The following LPP variants were observed in gnomAD, a reference collection of about 807,000 sequenced individuals.
LPP encodes the protein LIM domain containing preferred translocation partner in lipoma.
LPP carries 38 observed loss-of-function variants against 60.4 expected under a neutral mutation model. The observed-to-expected ratio is 0.63, with a 90% confidence interval of 0.49 to 0.83. LPP has a LOEUF of 0.83. Ranked by LOEUF, LPP falls within the 40% of genes least tolerant of loss-of-function variation. The pLI, the probability that LPP is intolerant of heterozygous loss-of-function variation, is 0.00. For synonymous variants in LPP, 328 were observed against 290.8 expected (o/e 1.13, Z -1.30); for missense variants, 902 against 783.6 (o/e 1.15, Z -1.80).
intron 9 of LPP, among the ~76,000 whole-genome samples, chr3:188,852,428 G>C (rs768427485): frequency 6.6e-6 from 1 of 152,192 alleles, no homozygotes; most frequent in Admixed American, 6.5e-5. Context: ...TTAAGTTAAT[G>C]TGTTGGAAAC....
In LPP at chr3:188,875,790, CACTT is replaced by C. The variant is rs1213893779; in HGVS notation, c.*1312_*1315del. ...TTCAAACTTTTATTAGCCAGTGAAA[CACTT>C]GCTTGCCAACTGCCAAGCCATACTT... On this transcript the variant is annotated 3_prime_UTR_variant, in exon 12 of 12. Coordinates refer to ENST00000617246, the MANE Select transcript of LPP (RefSeq NM_001375462.1). The C allele has an allele frequency of 5.1e-6, 1 of 196,992 alleles. No homozygotes were observed. The highest frequency in any genetic ancestry group is 1.1e-5 in the Non-Finnish European group (1 of 94,814). The allele number at this position is 196,992 out of a possible 1,614,324, so 12.2% of individuals were successfully genotyped here. A position where few individuals can be genotyped will look rare whatever the true frequency, so the allele number is the denominator to read the frequency against.
chr3:188,460,150 G>A (rs778793727), intron 4 of LPP, among the ~76,000 whole-genome samples: 1 of 152,088 alleles, frequency 6.6e-6, no homozygotes, highest in Non-Finnish European at 1.5e-5. Flanking sequence ...CTATTTATCA[G>A]TACTAGCATC....
At chr3:188,324,229 T>G (rs1040485401) in intron 2 of LPP, among the ~76,000 whole-genome samples, 6 of 152,300 alleles carry the variant, frequency 3.9e-5, no homozygotes, top group African/African-American at 1.4e-4. Context: ...ACCATCTTCT[T>G]TTTTATTTCC....
Position 188,466,804 on chromosome 3 carries a change from AACATATATATAT to A in LPP, c.194-17786_194-17775del, listed in dbSNP as rs1202552920. On this transcript the variant is annotated intron_variant, in intron 4 of 11. Coordinates refer to ENST00000617246, the MANE Select transcript of LPP (RefSeq NM_001375462.1). ...AAAAAAGTGGTTTCTGTCATCTCAGAACATATATATATATATATATATATATATATATATATA... is the reference window on the plus strand; with the variant it reads ...AAAAAAGTGGTTTCTGTCATCTCAGAATATATATATATATATATATATATA... Among the ~76,000 whole-genome samples, 68 of 72,954 alleles carry A rather than the reference AACATATATATAT, an allele frequency of 9.3e-4. 4 individuals are homozygous for A. The highest frequency in any genetic ancestry group is 1.4e-3 in the African/African-American group (30 of 20,758). The allele number at this position is 72,954 out of a possible 152,430, so 47.9% of individuals were successfully genotyped here. A position where few individuals can be genotyped will look rare whatever the true frequency, so the allele number is the denominator to read the frequency against.
intron 7 of LPP, among the ~76,000 whole-genome samples, chr3:188,636,612 GACAA>G (rs1376936699): frequency 1.3e-5 from 2 of 152,182 alleles, no homozygotes; most frequent in Admixed American, 6.5e-5. Context: ...CCAGGGCACA[GACAA>G]ACAAAAAGAC....
intron 9 of LPP, among the ~76,000 whole-genome samples, chr3:188,827,692 TG>T (rs2151537669): frequency 6.6e-6 from 1 of 151,996 alleles, no homozygotes; most frequent in Non-Finnish European, 1.5e-5. Context: ...AGCCAAATGG[TG>T]GGGGCAGGGG....
intron 9 of LPP, among the ~76,000 whole-genome samples, chr3:188,822,801 A>G (rs1374703444): frequency 6.6e-6 from 1 of 152,178 alleles, no homozygotes; most frequent in Non-Finnish European, 1.5e-5. Context: ...GCTTTATGAT[A>G]CAATTTCCAG....
At chr3:188,817,859 A>G (rs528646596) in intron 9 of LPP, among the ~76,000 whole-genome samples, 1 of 152,336 alleles carries the variant, frequency 6.6e-6, no homozygotes, top group African/African-American at 2.4e-5. Flanking sequence ...CAGCAAGGGA[A>G]CCACCTGCAG....
At chr3:188,582,616 A>C (rs74434159) in intron 6 of LPP, among the ~76,000 whole-genome samples, 2,692 of 152,236 alleles carry the variant, frequency 0.018, 77 homozygotes, top group African/African-American at 0.062. Flanking sequence ...AATATGATAT[A>C]AATTTGTTTC....
chr3:188,434,682 A>G (rs775272074), intron 4 of LPP, among the ~76,000 whole-genome samples: 38 of 152,226 alleles, frequency 2.5e-4, no homozygotes, highest in Admixed American at 3.9e-4. Context: ...TCTTCAGTTT[A>G]GAAAAGTGCC....
intron 7 of LPP, among the ~76,000 whole-genome samples, chr3:188,659,062 T>C (rs968175060): frequency 6.6e-6 from 1 of 152,212 alleles, no homozygotes; most frequent in Non-Finnish European, 1.5e-5. Context: ...CAACTTTATG[T>C]TTCCAAATAT....
At chr3:188,628,455 C>T (rs138175554) in intron 7 of LPP, among the ~76,000 whole-genome samples, 55 of 151,990 alleles carry the variant, frequency 3.6e-4, no homozygotes, top group East Asian at 1.2e-3. Context: ...AAACCCTCAG[C>T]GACTCTTATG....
intron 4 of LPP, among the ~76,000 whole-genome samples, chr3:188,439,919 C>T (rs1225371896): frequency 6.6e-6 from 1 of 152,184 alleles, no homozygotes; most frequent in East Asian, 1.9e-4. Context: ...TAGGATTATT[C>T]CACTTAATTC....
chr3:188,481,398 T>C (rs1804723212), intron 4 of LPP, among the ~76,000 whole-genome samples: 1 of 152,244 alleles, frequency 6.6e-6, no homozygotes, highest in South Asian at 2.1e-4. Context: ...TATGTGTTTA[T>C]CACGAGGGCT....
At chr3:188,203,623 A>G (rs1184497218) in intron 1 of LPP, among the ~76,000 whole-genome samples, 1 of 121,698 alleles carries the variant, frequency 8.2e-6, no homozygotes, top group East Asian at 2.2e-4. Flanking sequence ...TTAAATATAT[A>G]TACATATCAA....
intron 7 of LPP, among the ~76,000 whole-genome samples, chr3:188,625,470 A>T (rs1846660498): frequency 6.6e-6 from 1 of 152,322 alleles, no homozygotes; most frequent in South Asian, 2.1e-4. Flanking sequence ...TGGTCCTCAA[A>T]AAAGAACTCA....
At chr3:188,575,790 A>C (rs1332420694) in intron 6 of LPP, among the ~76,000 whole-genome samples, 1 of 152,176 alleles carries the variant, frequency 6.6e-6, no homozygotes. Context: ...TGATTGAAGC[A>C]TGCTGAGAAA....
intron 2 of LPP, among the ~76,000 whole-genome samples, chr3:188,268,617 T>C (rs1215293444): frequency 1.3e-5 from 2 of 152,232 alleles, no homozygotes; most frequent in African/African-American, 4.8e-5. Context: ...TTACACATCC[T>C]GTTAGGACGG....
intron 6 of LPP, among the ~76,000 whole-genome samples, chr3:188,548,328 T>C (rs1338166318): frequency 6.6e-6 from 1 of 152,200 alleles, no homozygotes; most frequent in Non-Finnish European, 1.5e-5. Flanking sequence ...ATTAAAAACA[T>C]TCCGTGGTGA....
Sources: allele counts gnomAD v4.1 joint callset (sites outside exome capture counted in the v4.1 genomes callset), GRCh38; gene constraint gnomAD v4.1.1; transcripts MANE v1.5; gene names NCBI Gene and HGNC (gene_info 2026-07-23, HGNC 2026-07-21).